TRAPPC9: variants seen among roughly 807,000 people sequenced by gnomAD.
TRAPPC9 encodes the protein trafficking protein particle complex subunit 9.
In TRAPPC9, 83 loss-of-function variants were observed where a neutral mutation model predicts 124.0. The ratio of observed to expected loss-of-function variants is 0.67; its 90% CI spans 0.56 to 0.80. The LOEUF is 0.80. TRAPPC9 is among the 30% of genes least tolerant of loss of function. The probability of loss-of-function intolerance (pLI) is 0.00; values close to 1 mark genes in which losing one functional copy is unlikely to be tolerated. For missense variants in TRAPPC9, 1,302 were observed against 1,508.3 expected, an observed-to-expected ratio of 0.86 and a Z score of 2.27; for synonymous variants, 638 against 617.5, an observed-to-expected ratio of 1.03 and a Z score of -0.49.
chr8:139,948,429 T>C (rs536787990), intron 19 of TRAPPC9, among the ~76,000 whole-genome samples: 1 of 152,182 alleles, frequency 6.6e-6, no homozygotes, highest in East Asian at 1.9e-4. Context: ...AGACAGCAAA[T>C]GCTGATGCTC....
At chr8:139,790,739 T>C (rs1232783394) in intron 21 of TRAPPC9, among the ~76,000 whole-genome samples, 2 of 152,184 alleles carry the variant, frequency 1.3e-5, no homozygotes, top group Non-Finnish European at 2.9e-5. Context: ...AGAGTGGTTA[T>C]GGTTGGATGT....
intron 13 of TRAPPC9, among the ~76,000 whole-genome samples, chr8:140,284,419 T>C (rs2065426686): frequency 6.6e-6 from 1 of 152,242 alleles, no homozygotes; most frequent in South Asian, 2.1e-4. Context: ...AATGAGTATG[T>C]GAAAAATGCT....
At chr8:140,067,503 T>C (rs1329527541) in intron 17 of TRAPPC9, among the ~76,000 whole-genome samples, 1 of 152,186 alleles carries the variant, frequency 6.6e-6, no homozygotes, top group Non-Finnish European at 1.5e-5. Flanking sequence ...CTGTTCTGAT[T>C]TCCCTCAATC....
intron 21 of TRAPPC9, among the ~76,000 whole-genome samples, chr8:139,874,746 C>T (rs1327139547): frequency 2.0e-5 from 3 of 152,144 alleles, no homozygotes; most frequent in African/African-American, 7.2e-5. Flanking sequence ...CCTTCTGAGC[C>T]AAAGGCCAGG....
At chr8:140,431,831 T>G (rs1242266028) in intron 4 of TRAPPC9, among the ~76,000 whole-genome samples, 2 of 152,164 alleles carry the variant, frequency 1.3e-5, no homozygotes, top group Non-Finnish European at 2.9e-5. Context: ...CAAAACTGGG[T>G]GCAATACTCA....
chr8:139,887,143 A>G (rs1830064112), intron 20 of TRAPPC9, among the ~76,000 whole-genome samples: 1 of 151,936 alleles, frequency 6.6e-6, no homozygotes, highest in African/African-American at 2.4e-5. Flanking sequence ...CACCAGCAGC[A>G]GGACAGGCTA....
chr8:140,044,851 A>C (rs1240654205), intron 17 of TRAPPC9, among the ~76,000 whole-genome samples: 1 of 152,138 alleles, frequency 6.6e-6, no homozygotes, highest in Admixed American at 6.5e-5. Context: ...AATTACCCTC[A>C]CCTAAGATGC....
At chr8:140,386,083 T>C (rs1356178291) in intron 7 of TRAPPC9, among the ~76,000 whole-genome samples, 3 of 152,176 alleles carry the variant, frequency 2.0e-5, no homozygotes, top group East Asian at 1.9e-4. Context: ...ATTATCTCAA[T>C]AGATGCCGAA....
At chr8:139,979,522 A>G (rs898083723) in intron 19 of TRAPPC9, among the ~76,000 whole-genome samples, 4 of 152,152 alleles carry the variant, frequency 2.6e-5, no homozygotes, top group Non-Finnish European at 4.4e-5. Context: ...AAATATGCCA[A>G]TGCCCAGGCT....
At chr8:139,982,871 C>T (rs1170065114) in intron 19 of TRAPPC9, among the ~76,000 whole-genome samples, 2 of 152,194 alleles carry the variant, frequency 1.3e-5, no homozygotes, top group Non-Finnish European at 2.9e-5. Flanking sequence ...CTCTTTCACA[C>T]TTACCACCCC....
Position 140,063,363 on chromosome 8 carries a change from C to T in TRAPPC9, c.2557-39284G>A, listed in dbSNP as rs1274811734. Among the ~76,000 whole-genome samples, 1 of 152,186 alleles carries T rather than the reference C, an allele frequency of 6.6e-6. No homozygotes were observed. Among genetic ancestry groups the T allele is most frequent in the Admixed American group, 6.5e-5 (1 of 15,286 alleles). Reference sequence around the variant, plus strand: ...CACCACGCAGTCAATTCTCACGTACCTTTCACGAGCCAGGTAACACGGTAC... The same window carrying T: ...CACCACGCAGTCAATTCTCACGTACTTTTCACGAGCCAGGTAACACGGTAC... On this transcript the variant is annotated intron_variant, in intron 17 of 22. Transcript: ENST00000438773. The surrounding 1 kb of genome is among the most constrained non-coding windows in gnomAD (Gnocchi z 4.3).
chr8:140,217,974 G>A lies in TRAPPC9; in HGVS notation c.2556+3485C>T, dbSNP rs750632620. ...GGAGGTTGCAGTGAGCCGAGATCGCGCCACTGCACTCCAGCCTGGGCAAGA... is the reference window on the plus strand; with the variant it reads ...GGAGGTTGCAGTGAGCCGAGATCGCACCACTGCACTCCAGCCTGGGCAAGA... On this transcript the variant is annotated intron_variant, in intron 17 of 22. Transcript: ENST00000438773. 2.0e-4 allele frequency among the ~76,000 whole-genome samples: 30 copies of A among 151,450 alleles called. 1 individual carries two copies. Among genetic ancestry groups the A allele is most frequent in the South Asian group, 8.3e-4 (4 of 4,796 alleles).
At chr8:140,198,517 C>T (rs961327891) in intron 17 of TRAPPC9, among the ~76,000 whole-genome samples, 1 of 152,116 alleles carries the variant, frequency 6.6e-6, no homozygotes, top group Non-Finnish European at 1.5e-5. Context: ...CAGCTGACTC[C>T]CTATGATTTC....
At chr8:139,992,032 A>T (rs1211334681) in intron 18 of TRAPPC9, among the ~76,000 whole-genome samples, 4 of 152,188 alleles carry the variant, frequency 2.6e-5, no homozygotes, top group African/African-American at 9.7e-5. Flanking sequence ...TTAAAAAATA[A>T]AATTTGCTGT....
At chr8:140,196,848 T>C (rs144427980) in intron 17 of TRAPPC9, among the ~76,000 whole-genome samples, 122 of 152,072 alleles carry the variant, frequency 8.0e-4, no homozygotes, top group Middle Eastern at 6.8e-3. Context: ...CTAAAACACA[T>C]TGAACAATTC....
chr8:139,972,908 C>T (rs904544186), intron 19 of TRAPPC9, among the ~76,000 whole-genome samples: 1 of 152,204 alleles, frequency 6.6e-6, no homozygotes, highest in Non-Finnish European at 1.5e-5. Flanking sequence ...CAGACCCGGC[C>T]TCAGGCTCCC....
At chr8:139,764,600 T>A (rs1398555632) in intron 21 of TRAPPC9, among the ~76,000 whole-genome samples, 1 of 152,196 alleles carries the variant, frequency 6.6e-6, no homozygotes, top group Non-Finnish European at 1.5e-5. Flanking sequence ...TGGCCTGTCT[T>A]ACTGTGGCCT....
At chr8:140,298,579 G>C (rs763950999) in intron 11 of TRAPPC9, among the ~76,000 whole-genome samples, 4 of 152,146 alleles carry the variant, frequency 2.6e-5, no homozygotes, top group Admixed American at 1.3e-4. Context: ...CTGAGCCCAG[G>C]AGGTTGAGGC....
At chr8:140,287,348 G>C (rs1324021182) in intron 13 of TRAPPC9, among the ~76,000 whole-genome samples, 1 of 152,120 alleles carries the variant, frequency 6.6e-6, no homozygotes, top group Non-Finnish European at 1.5e-5. Flanking sequence ...CTCACTGGAG[G>C]AAGACAGCAG....
Sources: allele counts gnomAD v4.1 joint callset (sites outside exome capture counted in the v4.1 genomes callset), GRCh38; gene constraint gnomAD v4.1.1; non-coding constraint Gnocchi (gnomAD v3.1); transcripts MANE v1.5; gene names NCBI Gene and HGNC (gene_info 2026-07-23, HGNC 2026-07-21).